Variants in NETO2 observed in about 807,000 individuals in gnomAD.
NETO2 encodes the protein neuropilin and tolloid-like protein 2.
A neutral mutation model predicts 62.5 loss-of-function variants in NETO2; 28 were observed. That is an observed-to-expected ratio of 0.45 (90% CI 0.33 to 0.61). The LOEUF is 0.61. Ranked by LOEUF, NETO2 falls within the 20% of genes least tolerant of loss-of-function variation. NETO2 has a pLI of 0.02. For missense variants in NETO2, 548 were observed against 643.2 expected, an observed-to-expected ratio of 0.85 and a Z score of 1.60; for synonymous variants, 214 against 219.1, an observed-to-expected ratio of 0.98 and a Z score of 0.21.
chr16:47,116,759 TAGA>T (rs1341835711), intron 6 of NETO2, among the ~76,000 whole-genome samples: 1 of 152,198 alleles, frequency 6.6e-6, no homozygotes, highest in Non-Finnish European at 1.5e-5. Context: ...TTTTCTTTGT[TAGA>T]AGGTGTTTAC....
intron 6 of NETO2, among the ~76,000 whole-genome samples, chr16:47,122,069 A>C (rs544307473): frequency 6.6e-6 from 1 of 152,272 alleles, no homozygotes; most frequent in South Asian, 2.1e-4. Flanking sequence ...AATACGCATT[A>C]AATATAATTT....
intron 7 of NETO2, among the ~76,000 whole-genome samples, chr16:47,098,559 A>G (rs1403331858): frequency 3.9e-5 from 6 of 152,226 alleles, no homozygotes; most frequent in Non-Finnish European, 7.3e-5. Context: ...TGACTGGTGT[A>G]CCTGAAAGTG....
chr16:47,083,156 A>C lies in NETO2; in HGVS notation c.*65T>G. 7.1e-7 allele frequency: 1 copy of C among 1,412,738 alleles called. No individual in the cohort carries two copies. Among genetic ancestry groups the C allele is most frequent in the Non-Finnish European group, 9.7e-7 (1 of 1,034,960 alleles). The allele number at this position is 1,412,738 out of a possible 1,614,324, so 87.5% of individuals were successfully genotyped here. A position where few individuals can be genotyped will look rare whatever the true frequency, so the allele number is the denominator to read the frequency against. ...GAGAAAAGGGTTGGCTGCTGGAAAC[A>C]GTATGGTGCCCTGGAGGCTGCGTAC... is the stretch of plus-strand genomic sequence containing the variant. On this transcript the variant is annotated 3_prime_UTR_variant, in exon 9 of 9. Transcript: ENST00000562435.
chr16:47,111,835 T>A (rs902007131), intron 6 of NETO2, among the ~76,000 whole-genome samples: 1 of 152,130 alleles, frequency 6.6e-6, no homozygotes, highest in Non-Finnish European at 1.5e-5. Context: ...GCTCTCTCTA[T>A]CCTAGCCTTC....
At chr16:47,109,800 C>A in intron 6 of NETO2, 89 bp from the exon 7 acceptor site, 1 of 855,796 alleles carries the variant, frequency 1.2e-6, no homozygotes, top group Non-Finnish European at 1.8e-6. Flanking sequence ...ACATGGGACA[C>A]CGAATGACAG....
At chr16:47,085,135 T>C (rs1291613520) in intron 8 of NETO2, among the ~76,000 whole-genome samples, 3 of 152,314 alleles carry the variant, frequency 2.0e-5, no homozygotes, top group Non-Finnish European at 1.5e-5. Flanking sequence ...TGCATTTATC[T>C]TTCAGTGAGT....
chr16:47,138,694 G>A (rs1392930187), intron 1 of NETO2, among the ~76,000 whole-genome samples: 2 of 152,210 alleles, frequency 1.3e-5, no homozygotes, highest in African/African-American at 4.8e-5. Context: ...GTACACAGCA[G>A]CCAGTGACCT....
intron 1 of NETO2, among the ~76,000 whole-genome samples, chr16:47,140,174 C>T (rs1042975191): frequency 1.3e-5 from 2 of 151,868 alleles, no homozygotes; most frequent in African/African-American, 2.4e-5. Flanking sequence ...GTTCTGTTGT[C>T]CTTTTTCCTT....
At chr16:47,120,037 T>G (rs1964005277) in intron 6 of NETO2, among the ~76,000 whole-genome samples, 1 of 152,226 alleles carries the variant, frequency 6.6e-6, no homozygotes, top group South Asian at 2.1e-4. Flanking sequence ...TAACTTTTTG[T>G]ATGCTTGAAC....
intron 6 of NETO2, among the ~76,000 whole-genome samples, chr16:47,114,947 ATTT>A (rs796122362): frequency 2.0e-5 from 3 of 148,668 alleles, no homozygotes; most frequent in African/African-American, 7.4e-5. Flanking sequence ...GTGAGGGTTC[ATTT>A]TTTTTTTCTT....
chr16:47,081,359 T>C lies in NETO2; in HGVS notation c.*1862A>G, dbSNP rs1458995667. 7.2e-5 allele frequency: 11 copies of C among 152,166 alleles called. No individual in the cohort carries two copies. In the East Asian group the frequency reaches 1.2e-3, roughly 16 times the overall value. The allele number at this position is 152,166 out of a possible 1,614,324, so 9.4% of individuals were successfully genotyped here. The stretch of plus-strand genomic sequence containing the variant: ...CTTAGCTGTCTCTGGTATTAGTTCA[T>C]TGAATATTATATGCATCAAGTCTTT... On this transcript the variant is annotated 3_prime_UTR_variant, in exon 9 of 9. Coordinates refer to ENST00000562435, the MANE Select transcript of NETO2 (RefSeq NM_018092.5).
chr16:47,080,755 A>T lies in NETO2; in HGVS notation c.*2466T>A, dbSNP rs960938699. 7.2e-5 allele frequency: 11 copies of T among 152,200 alleles called. No individual in the cohort carries two copies. Among genetic ancestry groups the T allele is most frequent in the African/African-American group, 2.7e-4 (11 of 41,454 alleles). 9.4% of individuals were successfully genotyped at this position (152,200 alleles called of 1,614,324 possible). A position where few individuals can be genotyped will look rare whatever the true frequency, so the allele number is the denominator to read the frequency against. On this transcript the variant is annotated 3_prime_UTR_variant, in exon 9 of 9. Transcript: ENST00000562435. Reference sequence around the variant, plus strand: ...TAAACCAATGTTCCTAGACGACATTAAGTTGTGCCTTCACTGGGTTAAGAA... The same window carrying T: ...TAAACCAATGTTCCTAGACGACATTTAGTTGTGCCTTCACTGGGTTAAGAA...
intron 7 of NETO2, among the ~76,000 whole-genome samples, chr16:47,090,851 C>A (rs1256862935): frequency 1.3e-5 from 2 of 152,172 alleles, no homozygotes; most frequent in African/African-American, 4.8e-5. Flanking sequence ...TATTCTGTAT[C>A]ATTCATTTTA....
intron 2 of NETO2, among the ~76,000 whole-genome samples, chr16:47,131,051 AG>A (rs1279173736): frequency 6.6e-6 from 1 of 151,998 alleles, no homozygotes; most frequent in East Asian, 1.9e-4. Flanking sequence ...AATGGAGGAA[AG>A]GGAATTTTAA....
Position 47,128,398 on chromosome 16 carries a change from G to C in NETO2, c.408C>G (p.Phe136Leu). The C allele has an allele frequency of 6.2e-7, 1 of 1,614,062 alleles. No homozygotes were observed. Among genetic ancestry groups the C allele is most frequent in the Non-Finnish European group, 8.5e-7 (1 of 1,179,978 alleles). The change falls in exon 4 of 9, where the codon TTC becomes TTG. Residue 136 changes from phenylalanine (F) to leucine (L), a missense_variant. Physicochemically the swap from Phe to Leu is conservative, Grantham distance 22. Transcript: ENST00000562435. ...CATCAGAACTAAACTTAATCCACAT[G>C]AATCTCCCTGTTGATCTAATTAATG... The part of the protein sequence containing the change: ...SPPLIRSTGR[F>L]MWIKFSSDEE...
intron 4 of NETO2, among the ~76,000 whole-genome samples, chr16:47,127,563 G>A (rs1964182693): frequency 6.6e-6 from 1 of 152,214 alleles, no homozygotes. Context: ...AGGTGATGCA[G>A]CCACAGCCCA....
intron 4 of NETO2, among the ~76,000 whole-genome samples, chr16:47,126,766 G>A (rs1176439993): frequency 6.6e-6 from 1 of 152,100 alleles, no homozygotes; most frequent in African/African-American, 2.4e-5. Flanking sequence ...ACCTAAAACT[G>A]TTCTAAAAAA....
rs1963062345 is a variant in NETO2 at position 47,081,649 on chromosome 16, G to T, written c.*1572C>A. 6.6e-6 allele frequency: 1 copy of T among 152,422 alleles called. No homozygotes were observed. Among genetic ancestry groups the T allele is most frequent in the Admixed American group, 6.5e-5 (1 of 15,268 alleles). 9.4% of individuals were successfully genotyped at this position (152,422 alleles called of 1,614,324 possible). A position where few individuals can be genotyped will look rare whatever the true frequency, so the allele number is the denominator to read the frequency against. Reference sequence around the variant, plus strand: ...GTGAAACTTCAACTTATTTCATTGAGAATTTACTAACAAAATATAGAAAAC... The same window carrying T: ...GTGAAACTTCAACTTATTTCATTGATAATTTACTAACAAAATATAGAAAAC... On this transcript the variant is annotated 3_prime_UTR_variant, in exon 9 of 9. Transcript: ENST00000562435.
At chr16:47,115,949 T>C (rs1963912389) in intron 6 of NETO2, among the ~76,000 whole-genome samples, 1 of 151,526 alleles carries the variant, frequency 6.6e-6, no homozygotes, top group African/African-American at 2.4e-5. Context: ...GCTTTTCAGA[T>C]GCTATGGAAA....
Sources: allele counts gnomAD v4.1 joint callset (sites outside exome capture counted in the v4.1 genomes callset), GRCh38; gene constraint gnomAD v4.1.1; transcripts MANE v1.5; gene names NCBI Gene and HGNC (gene_info 2026-07-23, HGNC 2026-07-21).